The following SPATA17 variants were observed in gnomAD, a reference collection of about 807,000 sequenced individuals.
The protein encoded by SPATA17 is spermatogenesis-associated protein 17.
In SPATA17, 53 loss-of-function variants were observed where a neutral mutation model predicts 62.2. The ratio of observed to expected loss-of-function variants is 0.85; its 90% confidence interval spans 0.68 to 1.07. The LOEUF (loss-of-function observed/expected upper bound fraction) is 1.07, where lower values mean the gene tolerates loss of function less well. Ranked by LOEUF, SPATA17 falls within the 50% of genes least tolerant of loss-of-function variation. The pLI is 0.00. For missense variants in SPATA17, 466 were observed against 425.5 expected, an observed-to-expected ratio of 1.10 and a Z score of -0.84; for synonymous variants, 146 against 146.8, an observed-to-expected ratio of 0.99 and a Z score of 0.04.
rs1676039466 is a variant in SPATA17 at position 217,867,467 on chromosome 1, A to G, written c.*448A>G. ...CTGCCCTGAGAAATAATGACTGATT[A>G]TACCAGTTAGAAACCCTTCAGACTG... On this transcript the variant is annotated 3_prime_UTR_variant, in exon 11 of 11. Transcript: ENST00000366933. 6.6e-6 allele frequency: 1 copy of G among 152,246 alleles called. No homozygotes were observed. The highest frequency in any genetic ancestry group is 2.1e-4 in the South Asian group (1 of 4,832). The allele number at this position is 152,246 out of a possible 1,614,324, so 9.4% of individuals were successfully genotyped here.
chr1:217,762,763 G>A (rs923722825), intron 6 of SPATA17, among the ~76,000 whole-genome samples: 2 of 152,180 alleles, frequency 1.3e-5, no homozygotes, highest in African/African-American at 4.8e-5. Context: ...CCTGAGGTCA[G>A]GAGTTTGAGA....
At chr1:217,737,826 T>TC (rs1259072588) in intron 5 of SPATA17, 1 of 116,324 alleles carries the variant, frequency 8.6e-6, no homozygotes, top group African/African-American at 2.8e-5. Flanking sequence ...ATGCTTGTTG[T>TC]CTTTTTTTTT....
At position 217,766,301 on chromosome 1, in the gene SPATA17, T is replaced by C. The variant is rs2102966657; in HGVS notation, c.520-8033T>C. 1.3e-5 allele frequency among the ~76,000 whole-genome samples: 2 copies of C among 152,168 alleles called. 1 individual carries two copies. The highest frequency in any genetic ancestry group is 4.1e-4 in the South Asian group (2 of 4,824). ...GTCCTTTGTGATTTTAACTGCATATTTTATGATTCCATTTCCTCTACTTTC... is the reference window on the plus strand; with the variant it reads ...GTCCTTTGTGATTTTAACTGCATATCTTATGATTCCATTTCCTCTACTTTC... On this transcript the variant is annotated intron_variant, in intron 6 of 10. Coordinates refer to ENST00000366933, the MANE Select transcript of SPATA17 (RefSeq NM_138796.4).
chr1:217,851,056 A>G (rs1214388569), intron 9 of SPATA17, among the ~76,000 whole-genome samples: 1 of 152,168 alleles, frequency 6.6e-6, no homozygotes, highest in African/African-American at 2.4e-5. Flanking sequence ...AGAACTTAAT[A>G]AATATTTGCT....
At chr1:217,734,747 GTTTC>G (rs1015580149) in intron 5 of SPATA17, among the ~76,000 whole-genome samples, 1 of 152,072 alleles carries the variant, frequency 6.6e-6, no homozygotes, top group African/African-American at 2.4e-5. Flanking sequence ...GTAATTATTT[GTTTC>G]TTTGTCAAAA....
intron 9 of SPATA17, among the ~76,000 whole-genome samples, chr1:217,817,457 A>C (rs1674747617): frequency 6.6e-6 from 1 of 152,028 alleles, no homozygotes; most frequent in Non-Finnish European, 1.5e-5. Context: ...CCCTTCTGCC[A>C]TGATTGTAAG....
At chr1:217,680,672 C>G (rs1331731460) in intron 4 of SPATA17, among the ~76,000 whole-genome samples, 5 of 152,020 alleles carry the variant, frequency 3.3e-5, no homozygotes, top group African/African-American at 4.8e-5. Context: ...CACGTGTAAT[C>G]CCAGCACTTT....
At chr1:217,863,004 A>G in intron 10 of SPATA17, 148 bp downstream of exon 10, 1 of 440,144 alleles carries the variant, frequency 2.3e-6, no homozygotes, top group Non-Finnish European at 3.9e-6. Context: ...CCTTCATTGT[A>G]GTGTAATGGT....
chr1:217,732,114 C>CTCTCTCTCTCTCTCTCTCTCTCT, intron 5 of SPATA17, among the ~76,000 whole-genome samples: 1 of 152,020 alleles, frequency 6.6e-6, no homozygotes, highest in Non-Finnish European at 1.5e-5. Context: ...CTCTGTCTCA[C>CTCTCTCTCTCTCTCTCTCTCTCT]CACTATTTTG....
At chr1:217,656,254 G>A (rs1670438879) in intron 3 of SPATA17, among the ~76,000 whole-genome samples, 1 of 152,116 alleles carries the variant, frequency 6.6e-6, no homozygotes, top group Admixed American at 6.5e-5. Context: ...AGTCACCTTG[G>A]AATGTGTATT....
intron 3 of SPATA17, among the ~76,000 whole-genome samples, chr1:217,660,722 G>A (rs1189343932): frequency 6.6e-6 from 1 of 152,188 alleles, no homozygotes; most frequent in Non-Finnish European, 1.5e-5. Flanking sequence ...CCTTAGGGCT[G>A]AGACGAAGAG....
intron 5 of SPATA17, among the ~76,000 whole-genome samples, chr1:217,732,645 C>T (rs1672426261): frequency 6.6e-6 from 1 of 152,054 alleles, no homozygotes; most frequent in African/African-American, 2.4e-5. Context: ...AGGAAAGCCC[C>T]CATGCTGTGT....
chr1:217,749,794 A>G (rs957840692), intron 6 of SPATA17, among the ~76,000 whole-genome samples: 1 of 151,512 alleles, frequency 6.6e-6, no homozygotes, highest in African/African-American at 2.4e-5. Flanking sequence ...TGTTATCCAT[A>G]GGATAAAATC....
At chr1:217,860,741 T>A (rs1274165287) in intron 9 of SPATA17, among the ~76,000 whole-genome samples, 2 of 152,144 alleles carry the variant, frequency 1.3e-5, no homozygotes, top group Non-Finnish European at 2.9e-5. Flanking sequence ...ACATTAAAAG[T>A]GAGTTTCATG....
chr1:217,809,510 A>G (rs536011769), intron 9 of SPATA17, among the ~76,000 whole-genome samples: 5 of 152,260 alleles, frequency 3.3e-5, no homozygotes, highest in Admixed American at 6.5e-5. Context: ...GCTGTGTCAT[A>G]ACATGGTGGA....
At chr1:217,787,598 T>C (rs1190614928) in intron 8 of SPATA17, among the ~76,000 whole-genome samples, 2 of 152,228 alleles carry the variant, frequency 1.3e-5, no homozygotes, top group African/African-American at 4.8e-5. Context: ...ACATTAAAAC[T>C]ACAACACATA....
At position 217,725,752 on chromosome 1, in the gene SPATA17, T is replaced by C. The variant is rs901573328; in HGVS notation, c.396-16223T>C. Among the ~76,000 whole-genome samples, 18 of 152,134 alleles carry C rather than the reference T, an allele frequency of 1.2e-4. 1 individual carries two copies. The highest frequency in any genetic ancestry group is 2.1e-4 in the Non-Finnish European group (14 of 68,004). ...TGCTAGGATTATAGGTGTGAGCCAC[T>C]ACGCCCAGCCCCAGATTATGTTTTT... is the stretch of plus-strand genomic sequence containing the variant. On this transcript the variant is annotated intron_variant, in intron 5 of 10. Transcript: ENST00000366933.
chr1:217,704,660 T>G (rs900046084), intron 5 of SPATA17, among the ~76,000 whole-genome samples: 2 of 152,192 alleles, frequency 1.3e-5, no homozygotes, highest in East Asian at 3.8e-4. Flanking sequence ...TATTTGATTT[T>G]CTGTTCCTGC....
Position 217,669,014 on chromosome 1 carries a change from T to G in SPATA17, c.241-19T>G, listed in dbSNP as rs377101765. ...TTGTGTAACTGAAATGCATGCCATC[T>G]TTTTTTCTTGATTCACAGGTAGCAT... On this transcript the variant is annotated intron_variant, in intron 3 of 10. Coordinates refer to ENST00000366933, the MANE Select transcript of SPATA17 (RefSeq NM_138796.4). 1.4e-5 allele frequency: 22 copies of G among 1,606,606 alleles called. No homozygotes were observed. Among genetic ancestry groups the G allele is most frequent in the Non-Finnish European group, 1.8e-5 (21 of 1,175,554 alleles).
Sources: allele counts gnomAD v4.1 joint callset (sites outside exome capture counted in the v4.1 genomes callset), GRCh38; gene constraint gnomAD v4.1.1; transcripts MANE v1.5; gene names NCBI Gene and HGNC (gene_info 2026-07-23, HGNC 2026-07-21).